The following NET1 variants were observed in gnomAD, a reference collection of about 807,000 sequenced individuals.
The protein encoded by NET1 is neuroepithelial cell transforming 1, also known as neuroepithelial cell-transforming gene 1 protein.
A neutral mutation model predicts 61.1 loss-of-function variants in NET1; 42 were observed. The observed-to-expected ratio is 0.69, with a 90% CI of 0.54 to 0.89. The LOEUF (loss-of-function observed/expected upper bound fraction) is 0.89, where lower values mean the gene tolerates loss of function less well. Ranked by LOEUF, NET1 falls within the 40% of genes least tolerant of loss-of-function variation. The pLI is 0.00. For missense variants in NET1, 654 were observed against 747.3 expected (o/e 0.88, Z 1.46); for synonymous variants, 254 against 281.8 (o/e 0.90, Z 0.99).
rs1832341793 is a variant in NET1 at position 5,431,016 on chromosome 10, T to C, written c.255+1787T>C. 6.6e-6 allele frequency among the ~76,000 whole-genome samples: 1 copy of C among 151,262 alleles called. No homozygotes were observed. The highest frequency in any genetic ancestry group is 1.5e-5 in the Non-Finnish European group (1 of 67,802). On this transcript the variant is annotated intron_variant, in intron 3 of 11. Coordinates refer to ENST00000355029, the MANE Select transcript of NET1 (RefSeq NM_001047160.3). This position sits in a 1 kb window ranked among gnomAD's most constrained non-coding sequence, Gnocchi z 4.9. ...CCTCCCAAGTAGCTGGGATTACAGG[T>C]GCCCGCCACCACGCCCGGCTAATTT...
At position 5,441,619 on chromosome 10, in the gene NET1, A is replaced by T. The variant is rs985197077; in HGVS notation, c.256-10211A>T. ...TGTGTTGTCATCGCACAAAAGAACC[A>T]TTGTTTTGACAATACCAAACTTATT... On this transcript the variant is annotated intron_variant, in intron 3 of 11. Transcript: ENST00000355029. This position sits in a 1 kb window ranked among gnomAD's most constrained non-coding sequence, Gnocchi z 4.6. 6.6e-6 allele frequency among the ~76,000 whole-genome samples: 1 copy of T among 152,240 alleles called. No individual in the cohort carries two copies. The highest frequency in any genetic ancestry group is 2.4e-5 in the African/African-American group (1 of 41,470).
chr10:5,424,713 C>A lies in NET1; in HGVS notation c.129-1942C>A, dbSNP rs1439772980. ...ATGTTTGTTTTAAATATCTTAAGAT[C>A]TTTGCATCTAATTTCTGTTAGTGGC... On this transcript the variant is annotated intron_variant, in intron 1 of 11. Coordinates refer to ENST00000355029, the MANE Select transcript of NET1 (RefSeq NM_001047160.3). The surrounding 1 kb of genome is among the most constrained non-coding windows in gnomAD (Gnocchi z 6.1). Among the ~76,000 whole-genome samples the A allele has an allele frequency of 3.3e-5, 5 of 152,128 alleles. No individual in the cohort carries two copies. The highest frequency in any genetic ancestry group is 7.3e-5 in the Non-Finnish European group (5 of 68,028).
At position 5,455,747 on chromosome 10, in the gene NET1, C is replaced by T. The variant is rs139492031; in HGVS notation, c.1198-340C>T. Among the ~76,000 whole-genome samples, 12 of 152,304 alleles carry T rather than the reference C, an allele frequency of 7.9e-5. No homozygotes were observed. Among genetic ancestry groups the T allele is most frequent in the Non-Finnish European group, 1.8e-4 (12 of 68,030 alleles). ...TTTTACCAGCTTGCATTTTTAATCCCTCCTTCGTGTTAGAAAACTGTGGTA... is the reference window on the plus strand; with the variant it reads ...TTTTACCAGCTTGCATTTTTAATCCTTCCTTCGTGTTAGAAAACTGTGGTA... On this transcript the variant is annotated intron_variant, in intron 10 of 11. Coordinates refer to ENST00000355029, the MANE Select transcript of NET1 (RefSeq NM_001047160.3). This position sits in a 1 kb window ranked among gnomAD's most constrained non-coding sequence, Gnocchi z 6.5.
Position 5,428,038 on chromosome 10 carries a change from C to CCTTTTTTTTTTTTTTTTTTTTTTTTTT in NET1, c.196-1132_196-1131insCTTTTTTTTTTTTTTTTTTTTTTTTTT, listed in dbSNP as rs767299959. On this transcript the variant is annotated intron_variant, in intron 2 of 11. Transcript: ENST00000355029. ...CACTTCTATCTGGACTTTGCCGTTC[C>CCTTTTTTTTTTTTTTTTTTTTTTTTTT]TTTTTTTTTTTTTTTTTTTTTTTTT... Among the ~76,000 whole-genome samples the CCTTTTTTTTTTTTTTTTTTTTTTTTTT allele has an allele frequency of 3.5e-5, 4 of 113,904 alleles. 2 individuals are homozygous for CCTTTTTTTTTTTTTTTTTTTTTTTTTT. 74.7% of individuals were successfully genotyped at this position (113,904 alleles called of 152,430 possible).
At chr10:5,450,442 T>A (rs2119209206) in intron 3 of NET1, among the ~76,000 whole-genome samples, 1 of 152,146 alleles carries the variant, frequency 6.6e-6, no homozygotes, top group East Asian at 1.9e-4. Context: ...AAAAAAAATT[T>A]TTTTTTACCC....
Position 5,447,528 on chromosome 10 carries a change from C to T in NET1, c.256-4302C>T, listed in dbSNP as rs1013038942. Among the ~76,000 whole-genome samples, 4 of 152,106 alleles carry T rather than the reference C, an allele frequency of 2.6e-5. No homozygotes were observed. The highest frequency in any genetic ancestry group is 9.7e-5 in the African/African-American group (4 of 41,416). Reference sequence around the variant, plus strand: ...TATACTTTAATATATACTACATTGTCACTTATATGCTAGGAATAGTGTTCC... The same window carrying T: ...TATACTTTAATATATACTACATTGTTACTTATATGCTAGGAATAGTGTTCC... On this transcript the variant is annotated intron_variant, in intron 3 of 11. Coordinates refer to ENST00000355029, the MANE Select transcript of NET1 (RefSeq NM_001047160.3). This position sits in a 1 kb window ranked among gnomAD's most constrained non-coding sequence, Gnocchi z 4.1.
rs78823186 is a variant in NET1, at chr10:5,421,544, T to C, written c.129-5111T>C. On this transcript the variant is annotated intron_variant, in intron 1 of 11. Transcript: ENST00000355029. This position sits in a 1 kb window ranked among gnomAD's most constrained non-coding sequence, Gnocchi z 4.2. ...AATCAATTCTTGACAACCCAGGATC[T>C]TTATTATTAGTAGTAGTAGTTGCCA... 0.025 allele frequency among the ~76,000 whole-genome samples: 3,761 copies of C among 152,306 alleles called. 139 individuals carry two copies. Among genetic ancestry groups the C allele is most frequent in the East Asian group, 0.099 (512 of 5,186 alleles).
At chr10:5,428,017 T>G in intron 2 of NET1, among the ~76,000 whole-genome samples, 1 of 151,118 alleles carries the variant, frequency 6.6e-6, no homozygotes, top group Admixed American at 6.6e-5. Flanking sequence ...TTTCTCCACT[T>G]CTATCTGGAC....
At chr10:5,432,604 T>C (rs1832366272) in intron 3 of NET1, among the ~76,000 whole-genome samples, 1 of 75,584 alleles carries the variant, frequency 1.3e-5, no homozygotes, top group South Asian at 4.6e-4. Context: ...GCTTTTTAAA[T>C]TTATCTTATA....
In NET1 at chr10:5,439,748, G is replaced by T. The variant is rs1000186243; in HGVS notation, c.255+10519G>T. Among the ~76,000 whole-genome samples the T allele has an allele frequency of 6.6e-6, 1 of 152,214 alleles. No individual in the cohort carries two copies. The highest frequency in any genetic ancestry group is 1.5e-5 in the Non-Finnish European group (1 of 68,032). On this transcript the variant is annotated intron_variant, in intron 3 of 11. Transcript: ENST00000355029. The surrounding 1 kb of genome is among the most constrained non-coding windows in gnomAD (Gnocchi z 4.8). ...TGCAGTTCTCTTCCTGGCCTTGCCA[G>T]AGCATCACACAGCATCTTTGTCTAC...
rs1027989134 is a variant in NET1, at chr10:5,441,399, G to A, written c.256-10431G>A. Reference sequence around the variant, plus strand: ...GTCAAATTGGGCTGAGAAAACAGGAGGCTGGGCACAAGACACAATATCCTT... The same window carrying A: ...GTCAAATTGGGCTGAGAAAACAGGAAGCTGGGCACAAGACACAATATCCTT... On this transcript the variant is annotated intron_variant, in intron 3 of 11. Transcript: ENST00000355029. This position sits in a 1 kb window ranked among gnomAD's most constrained non-coding sequence, Gnocchi z 4.6. Among the ~76,000 whole-genome samples the A allele has an allele frequency of 5.3e-5, 8 of 152,222 alleles. No homozygotes were observed. Among genetic ancestry groups the A allele is most frequent in the Non-Finnish European group, 1.5e-5 (1 of 68,034 alleles).
rs757517284 is a variant in NET1, at chr10:5,456,939, G to A, written c.1736G>A (p.Arg579Gln). 1.7e-5 allele frequency: 28 copies of A among 1,605,134 alleles called. No homozygotes were observed. The highest frequency in any genetic ancestry group is 1.7e-4 in the Middle Eastern group (1 of 6,038). The part of the protein sequence containing the change: ...LKTHQTQPGI[R>Q]RARDKALSGG... ...ACACACCAGACACAGCCCGGCATCC[G>A]AAGAGCGAGGGACAAAGCCCTTTCT... Residue 579 changes from arginine to glutamine, a missense_variant, in exon 12 of 12, where the codon CGA becomes CAA. Arg to Gln is a conservative substitution (Grantham distance 43). Coordinates refer to ENST00000355029, the MANE Select transcript of NET1 (RefSeq NM_001047160.3). The surrounding 1 kb of genome is among the most constrained non-coding windows in gnomAD (Gnocchi z 7.0).
Position 5,413,781 on chromosome 10 carries a change from G to A in NET1, c.128+961G>A, listed in dbSNP as rs145638621. Among the ~76,000 whole-genome samples the A allele has an allele frequency of 6.9e-3, 1,058 of 152,250 alleles. 10 individuals are homozygous for A. Among genetic ancestry groups the A allele is most frequent in the Non-Finnish European group, 0.01 (686 of 68,016 alleles). On this transcript the variant is annotated intron_variant, in intron 1 of 11. Transcript: ENST00000355029. ...AGTGTTTTGCAACAGGTTGAGAAGA[G>A]AATGTGCGATTTGTTCAGAAAATAA...
chr10:5,436,793 G>A (rs2119191725), intron 3 of NET1, among the ~76,000 whole-genome samples: 1 of 152,226 alleles, frequency 6.6e-6, no homozygotes, highest in South Asian at 2.1e-4. Context: ...AAGCTAGCTG[G>A]CATGTGAAAC....
In NET1 at chr10:5,440,384, G is replaced by T. The variant is rs1427423094; in HGVS notation, c.255+11155G>T. ...GTAACAAATGCTAGATGATTTGTTG[G>T]TCTGCTCCAGTAGACTCTACATCTT... On this transcript the variant is annotated intron_variant, in intron 3 of 11. Transcript: ENST00000355029. This position sits in a 1 kb window ranked among gnomAD's most constrained non-coding sequence, Gnocchi z 4.1. Among the ~76,000 whole-genome samples the T allele has an allele frequency of 2.0e-5, 3 of 152,194 alleles. No individual in the cohort carries two copies. Among genetic ancestry groups the T allele is most frequent in the Non-Finnish European group, 4.4e-5 (3 of 68,022 alleles).
chr10:5,412,885 A>T lies in NET1; in HGVS notation c.128+65A>T. ...GTAGGGGAGCGGAGGGCCGAACGGG[A>T]GGTGAGTGTTGGAGAGGCAAGGGCC... On this transcript the variant is annotated intron_variant, in intron 1 of 11. Coordinates refer to ENST00000355029, the MANE Select transcript of NET1 (RefSeq NM_001047160.3). The surrounding 1 kb of genome is among the most constrained non-coding windows in gnomAD (Gnocchi z 6.5). The T allele has an allele frequency of 2.0e-5, 10 of 505,944 alleles. No individual in the cohort carries two copies. Among genetic ancestry groups the T allele is most frequent in the Non-Finnish European group, 2.0e-5 (8 of 401,612 alleles). 31.3% of individuals were successfully genotyped at this position (505,944 alleles called of 1,614,324 possible).
intron 3 of NET1, among the ~76,000 whole-genome samples, chr10:5,442,306 C>T (rs1213024386): frequency 6.6e-6 from 1 of 152,070 alleles, no homozygotes; most frequent in African/African-American, 2.4e-5. Context: ...GTATGGCTTC[C>T]CTAGTCTAAT....
In NET1 at chr10:5,455,133, C is replaced by T. The variant is rs777054570; in HGVS notation, c.1197+15C>T. 6.2e-7 allele frequency: 1 copy of T among 1,611,454 alleles called. No individual in the cohort carries two copies. Among genetic ancestry groups the T allele is most frequent in the Non-Finnish European group, 8.5e-7 (1 of 1,178,932 alleles). On this transcript the variant is annotated intron_variant, in intron 10 of 11. Transcript: ENST00000355029. The surrounding 1 kb of genome is among the most constrained non-coding windows in gnomAD (Gnocchi z 6.5). Reference sequence around the variant, plus strand: ...AGAGTGGACATGTAGGTGACTTTTGCTGCCGTGGCAGAGCAGCCTTCCCTC... The same window carrying T: ...AGAGTGGACATGTAGGTGACTTTTGTTGCCGTGGCAGAGCAGCCTTCCCTC...
chr10:5,414,693 A>T (rs1018282302), intron 1 of NET1, among the ~76,000 whole-genome samples: 5 of 152,258 alleles, frequency 3.3e-5, no homozygotes, highest in African/African-American at 1.2e-4. Flanking sequence ...AATTCCCTTG[A>T]TGTGCTGTGC....
Sources: allele counts gnomAD v4.1 joint callset (sites outside exome capture counted in the v4.1 genomes callset), GRCh38; gene constraint gnomAD v4.1.1; non-coding constraint Gnocchi (gnomAD v3.1); transcripts MANE v1.5; gene names NCBI Gene and HGNC (gene_info 2026-07-23, HGNC 2026-07-21).